ACSS3: variants seen among roughly 807,000 people sequenced by gnomAD.
The protein encoded by ACSS3 is acyl-CoA synthetase short chain family member 3.
ACSS3 carries 64 observed loss-of-function variants against 84.2 expected under a neutral mutation model. The ratio of observed to expected loss-of-function variants is 0.76; its 90% CI spans 0.62 to 0.94. The LOEUF (loss-of-function observed/expected upper bound fraction) is 0.94, where lower values mean the gene tolerates loss of function less well. Ranked by LOEUF, ACSS3 falls within the 40% of genes least tolerant of loss-of-function variation. The pLI is 0.00. For synonymous variants in ACSS3, 317 were observed against 310.1 expected (o/e 1.02, Z -0.23); for missense variants, 815 against 867.6 (o/e 0.94, Z 0.76).
chr12:81,090,660 G>A (rs1262236716), intron 1 of ACSS3, among the ~76,000 whole-genome samples: 1 of 152,000 alleles, frequency 6.6e-6, no homozygotes, highest in African/African-American at 2.4e-5. Flanking sequence ...TGTCATCTAA[G>A]CTTTGGGTCT....
At chr12:81,221,382 TG>T (rs57412599) in intron 11 of ACSS3, among the ~76,000 whole-genome samples, 1 of 152,208 alleles carries the variant, frequency 6.6e-6, no homozygotes, top group Non-Finnish European at 1.5e-5. Flanking sequence ...ACTCATTACT[TG>T]GCATTCTGAG....
chr12:81,230,314 A>G (rs1247265739), intron 11 of ACSS3, among the ~76,000 whole-genome samples: 2 of 152,026 alleles, frequency 1.3e-5, no homozygotes, highest in East Asian at 3.9e-4. Context: ...TCATTTATTT[A>G]TGTAAACACA....
chr12:81,156,141 T>G (rs1185829862), intron 7 of ACSS3, among the ~76,000 whole-genome samples: 1 of 151,244 alleles, frequency 6.6e-6, no homozygotes, highest in East Asian at 1.9e-4. Context: ...ATCAATATAC[T>G]TCTAAATAAA....
intron 7 of ACSS3, chr12:81,158,374 T>G (rs1295618530): frequency 6.5e-6 from 1 of 153,514 alleles, no homozygotes; most frequent in Non-Finnish European, 1.5e-5. Context: ...TTGTCTACAC[T>G]CAACAGCTTC....
rs1171113256 is a variant in ACSS3 at position 81,253,362 on chromosome 12, C to T, written c.1775C>T (p.Pro592Leu). Reference sequence around the variant, plus strand: ...TGTGCTGTTGTTGGCAAGGAAGATCCCTTAAAAGGTCATGTCCCCTTAGCA... The same window carrying T: ...TGTGCTGTTGTTGGCAAGGAAGATCTCTTAAAAGGTCATGTCCCCTTAGCA... ...ADCAVVGKED[P>L]LKGHVPLALC... The change falls in exon 14 of 16, where the codon CCC becomes CTC. Residue 592 changes from proline to leucine, a missense_variant. Physicochemically the swap from Pro to Leu is moderately conservative, Grantham distance 98. Transcript: ENST00000548058. 6.2e-7 allele frequency: 1 copy of T among 1,613,834 alleles called. No individual in the cohort carries two copies. Among genetic ancestry groups the T allele is most frequent in the Non-Finnish European group, 8.5e-7 (1 of 1,179,874 alleles).
At chr12:81,241,304 A>G (rs987910143) in intron 13 of ACSS3, among the ~76,000 whole-genome samples, 8 of 152,108 alleles carry the variant, frequency 5.3e-5, no homozygotes, top group African/African-American at 1.9e-4. Context: ...ATACATGTGC[A>G]TGTGTCTTTA....
At chr12:81,246,960 A>T (rs1272106892) in intron 13 of ACSS3, among the ~76,000 whole-genome samples, 1 of 152,194 alleles carries the variant, frequency 6.6e-6, no homozygotes, top group Non-Finnish European at 1.5e-5. Flanking sequence ...AAATTAAAAA[A>T]GTTTGTACCT....
At chr12:81,101,879 A>G (rs1318832398) in intron 1 of ACSS3, among the ~76,000 whole-genome samples, 2 of 151,880 alleles carry the variant, frequency 1.3e-5, no homozygotes. Context: ...TGTTTTCATC[A>G]GTGGATATCA....
intron 13 of ACSS3, among the ~76,000 whole-genome samples, chr12:81,250,616 G>T (rs1051341625): frequency 9.2e-5 from 14 of 151,952 alleles, no homozygotes; most frequent in Admixed American, 9.2e-4. Flanking sequence ...ATTAAATTTA[G>T]TTAAAACTCT....
At chr12:81,241,822 CAGA>C (rs2033815340) in intron 13 of ACSS3, among the ~76,000 whole-genome samples, 1 of 152,070 alleles carries the variant, frequency 6.6e-6, no homozygotes, top group South Asian at 2.1e-4. Flanking sequence ...TTTTGCTGTG[CAGA>C]AGCTCTTTAG....
intron 1 of ACSS3, among the ~76,000 whole-genome samples, chr12:81,087,849 G>A (rs1449638175): frequency 6.6e-6 from 1 of 152,022 alleles, no homozygotes; most frequent in Non-Finnish European, 1.5e-5. Context: ...TGGTTAGGAG[G>A]AAAAAGTATT....
chr12:81,204,200 C>CA (rs111823011), intron 9 of ACSS3, among the ~76,000 whole-genome samples: 11 of 151,262 alleles, frequency 7.3e-5, no homozygotes, highest in East Asian at 3.9e-4. Flanking sequence ...TGAGCTAGTA[C>CA]AAAAAAAAGA....
At chr12:81,163,308 A>G (rs1887244871) in intron 7 of ACSS3, among the ~76,000 whole-genome samples, 2 of 152,222 alleles carry the variant, frequency 1.3e-5, no homozygotes, top group Non-Finnish European at 2.9e-5. Flanking sequence ...TTGTGGTCCC[A>G]TAAGATTATA....
In ACSS3 at chr12:81,226,780, A is replaced by G. The variant is rs1011611885; in HGVS notation, c.1515-4277A>G. Among the ~76,000 whole-genome samples, 8 of 151,772 alleles carry G rather than the reference A, an allele frequency of 5.3e-5. No individual in the cohort carries two copies. The South Asian group carries it at 6.2e-4, about 12-fold the overall frequency. On this transcript the variant is annotated intron_variant, in intron 11 of 15. Transcript: ENST00000548058. ...TTTTTCTCTTTTCTTCAACCCTCAC[A>G]CTTAATTTTCATCCTCTTAAACTGT...
chr12:81,233,619 C>T (rs1221160478), intron 13 of ACSS3, 148 bp downstream of exon 13: 15 of 1,013,552 alleles, frequency 1.5e-5, no homozygotes, highest in Non-Finnish European at 1.8e-5. Flanking sequence ...TCCCACCTCA[C>T]TTTCTCTTTT....
rs1465424871 is a variant in ACSS3 at position 81,250,496 on chromosome 12, AAAAC to A, written c.1720-2808_1720-2805del. ...TTAAAATACTCCTTGCTTTTATAGA[AAAAC>A]AATCAACATTTTCCCATCCGCTTCT... On this transcript the variant is annotated intron_variant, in intron 13 of 15. Transcript: ENST00000548058. Among the ~76,000 whole-genome samples the A allele has an allele frequency of 2.3e-4, 35 of 152,094 alleles. 1 individual carries two copies. Among genetic ancestry groups the A allele is most frequent in the Admixed American group, 2.3e-3 (35 of 15,238 alleles).
chr12:81,132,155 G>A (rs1424132415), intron 2 of ACSS3, among the ~76,000 whole-genome samples: 7 of 152,166 alleles, frequency 4.6e-5, no homozygotes, highest in African/African-American at 1.7e-4. Flanking sequence ...ATGAGTTAGG[G>A]AGGATTCCCT....
intron 4 of ACSS3, among the ~76,000 whole-genome samples, chr12:81,141,892 T>G (rs1339956306): frequency 6.6e-6 from 1 of 152,222 alleles, no homozygotes; most frequent in Non-Finnish European, 1.5e-5. Context: ...CAGTTTGGCC[T>G]GAAACTTCAA....
chr12:81,209,388 T>TAA lies in ACSS3; in HGVS notation c.1355-7497_1355-7496dup, dbSNP rs5799519. On this transcript the variant is annotated intron_variant, in intron 9 of 15. Coordinates refer to ENST00000548058, the MANE Select transcript of ACSS3 (RefSeq NM_024560.4). ...AATGTTCCTAGTATTTATTGCTATG[T>TAA]AAAAAAAAAAAAAAAAATTACTCCA... Among the ~76,000 whole-genome samples the TAA allele has an allele frequency of 8.3e-3, 1,207 of 145,850 alleles. 15 individuals carry two copies. The highest frequency in any genetic ancestry group is 0.029 in the African/African-American group (1,155 of 39,200).
Sources: gnomAD v4.1 joint callset for allele counts (sites outside exome capture counted in the v4.1 genomes callset) on GRCh38, gnomAD v4.1.1 for gene constraint, MANE v1.5 for transcripts, NCBI Gene and HGNC (gene_info 2026-07-23, HGNC 2026-07-21) for gene names.